Variants in FAM118A observed in about 807,000 individuals in gnomAD.
FAM118A encodes protein FAM118A.
In FAM118A, 25 loss-of-function variants were observed where a neutral mutation model predicts 38.2. The ratio of observed to expected loss-of-function variants is 0.65; its 90% CI spans 0.48 to 0.91. The LOEUF is 0.91. FAM118A is among the 40% of genes least tolerant of loss of function. The pLI is 0.00. For synonymous variants in FAM118A, 178 were observed against 184.1 expected, an observed-to-expected ratio of 0.97 and a Z score of 0.27; for missense variants, 425 against 463.3, an observed-to-expected ratio of 0.92 and a Z score of 0.76.
chr22:45,335,374 CATT>C lies in FAM118A; in HGVS notation c.966_968del (p.Leu323del), dbSNP rs747913327. On this transcript the variant is annotated inframe_deletion, in exon 7 of 9. Transcript: ENST00000441876. ...GATGCTGATCGCGTGGACAGCACCA[CATT>C]ATTGGGTAAAGCAGATCTTTCTTCT... The C allele has an allele frequency of 2.5e-6, 4 of 1,614,142 alleles. No individual in the cohort carries two copies. Among genetic ancestry groups the C allele is most frequent in the Non-Finnish European group, 3.4e-6 (4 of 1,180,050 alleles).
At chr22:45,332,304 G>A (rs146201146) in intron 5 of FAM118A, 121 bp from the exon 6 acceptor site, 64 of 1,003,610 alleles carry the variant, frequency 6.4e-5, no homozygotes, top group African/African-American at 9.7e-5. Flanking sequence ...GCTCCTCAGC[G>A]TGGCCCTGGG....
In FAM118A at chr22:45,328,017, G is replaced by T. The variant is rs62001863; in HGVS notation, c.476G>T (p.Arg159Leu). 1 of 1,531,956 alleles carries T rather than the reference G, an allele frequency of 6.5e-7. No individual in the cohort carries two copies. The highest frequency in any genetic ancestry group is 1.9e-5 in the Admixed American group (1 of 53,372). 94.9% of individuals were successfully genotyped at this position (1,531,956 alleles called of 1,614,324 possible). ...YDNLLEAFGR[R>L]QNKPMESLDL... ...AACCTGCTGGAGGCCTTTGGCCGGC[G>T]GCAGAACAAGCCCATGGAGTCCCTG... Residue 159 changes from arginine to leucine, a missense_variant, in exon 4 of 9, where the codon CGG becomes CTG. Coordinates refer to ENST00000441876, the MANE Select transcript of FAM118A (RefSeq NM_017911.4).
chr22:45,334,992 C>T (rs2085985256), intron 6 of FAM118A: 1 of 248,770 alleles, frequency 4.0e-6, no homozygotes, highest in South Asian at 1.1e-4. Context: ...TGCCAGAAGA[C>T]TGCAAGGTCA....
intron 1 of FAM118A, among the ~76,000 whole-genome samples, chr22:45,314,010 T>C (rs1343558106): frequency 1.3e-5 from 2 of 152,184 alleles, no homozygotes; most frequent in Non-Finnish European, 2.9e-5. Flanking sequence ...TTCTTTCCTT[T>C]GTAGAAAAAG....
intron 1 of FAM118A, among the ~76,000 whole-genome samples, 151 bp downstream of exon 1, chr22:45,310,334 G>A (rs763208887): frequency 3.4e-5 from 5 of 146,664 alleles, no homozygotes; most frequent in African/African-American, 5.1e-5. Flanking sequence ...CTCAGGATCC[G>A]CCCTGCCCCT....
At chr22:45,311,174 A>T (rs1178195416) in intron 1 of FAM118A, among the ~76,000 whole-genome samples, 1 of 152,086 alleles carries the variant, frequency 6.6e-6, no homozygotes, top group Admixed American at 6.5e-5. Context: ...CTGATTCTTG[A>T]AGGTTGAGCT....
intron 1 of FAM118A, among the ~76,000 whole-genome samples, chr22:45,316,418 T>G (rs895679654): frequency 5.9e-5 from 9 of 152,170 alleles, no homozygotes; most frequent in African/African-American, 1.9e-4. Flanking sequence ...AAAAAGGAAG[T>G]TTGTGGGAAT....
At chr22:45,318,981 G>T (rs1266248020) in intron 1 of FAM118A, 1 of 152,216 alleles carries the variant, frequency 6.6e-6, no homozygotes, top group Non-Finnish European at 1.5e-5. Context: ...GGAATAGTGT[G>T]ATACCTCGTT....
At chr22:45,327,816 G>A (rs535615812) in intron 3 of FAM118A, 26 bp from the exon 4 acceptor site, 6 of 1,612,162 alleles carry the variant, frequency 3.7e-6, no homozygotes, top group South Asian at 3.3e-5. Flanking sequence ...TGATGTTTTG[G>A]TAACTGTCGT....
chr22:45,328,545 T>C, intron 4 of FAM118A: 2 of 714,538 alleles, frequency 2.8e-6, no homozygotes, highest in Non-Finnish European at 5.2e-6. Context: ...GGTGGGAGGA[T>C]TGCTTGAGCC....
Position 45,330,698 on chromosome 22 carries a change from G to T in FAM118A, c.618G>T (p.Gly206=), listed in dbSNP as rs1569147362. 1.3e-6 allele frequency: 2 copies of T among 1,586,406 alleles called. No homozygotes were observed. The highest frequency in any genetic ancestry group is 2.7e-5 in the African/African-American group (2 of 73,506). Residue 206 remains glycine, a synonymous_variant, in exon 5 of 9, where the codon GGG becomes GGT. Coordinates refer to ENST00000441876, the MANE Select transcript of FAM118A (RefSeq NM_017911.4). ...GCGGGGTGGTGCTGGACCCATCGGG[G>T]TATAAAGACGTCACTCAAGACGCAG... ...DPCGVVLDPS[G]YKDVTQDAEV... is the part of the protein sequence containing the mutation.
chr22:45,337,368 G>A (rs1321543684), intron 8 of FAM118A, among the ~76,000 whole-genome samples: 2 of 152,218 alleles, frequency 1.3e-5, no homozygotes, highest in Non-Finnish European at 2.9e-5. Context: ...GTGCCACGCC[G>A]CCTGTGCCAG....
intron 4 of FAM118A, chr22:45,329,892 G>A (rs1952478539): frequency 6.6e-6 from 1 of 152,294 alleles, no homozygotes; most frequent in Non-Finnish European, 1.5e-5. Flanking sequence ...GGGCTCCGGG[G>A]TGAAGATGAC....
chr22:45,321,880 C>T (rs1469669804), intron 1 of FAM118A: 3 of 177,032 alleles, frequency 1.7e-5, no homozygotes, highest in East Asian at 1.6e-4. Context: ...GAGCTGGTGC[C>T]GATGCTGAGG....
intron 1 of FAM118A, among the ~76,000 whole-genome samples, chr22:45,315,805 G>A (rs934803582): frequency 6.6e-6 from 1 of 152,166 alleles, no homozygotes; most frequent in Non-Finnish European, 1.5e-5. Context: ...CAGATCCTGT[G>A]TTTTCTGCAC....
Position 45,322,426 on chromosome 22 carries a change from G to C in FAM118A, c.47G>C (p.Arg16Thr). 1 of 1,609,592 alleles carries C rather than the reference G, an allele frequency of 6.2e-7. No homozygotes were observed. Among genetic ancestry groups the C allele is most frequent in the Non-Finnish European group, 8.5e-7 (1 of 1,178,644 alleles). Residue 16 changes from arginine (R) to threonine (T), a missense_variant and splice_region_variant, in exon 2 of 9, where the codon AGA (arginine) becomes ACA (threonine). Coordinates refer to ENST00000441876, the MANE Select transcript of FAM118A (RefSeq NM_017911.4). ...ACAAATAGAAGTGAACAAAAATCCA[G>C]GTAATTAAAGGCAACTATACCTTCA... The part of the protein sequence containing the change: ...KTTNRSEQKS[R>T]KFLKSLIRKQ...
At chr22:45,326,332 C>T (rs1168188976) in intron 3 of FAM118A, among the ~76,000 whole-genome samples, 6 of 152,162 alleles carry the variant, frequency 3.9e-5, no homozygotes, top group African/African-American at 1.2e-4. Flanking sequence ...ACCGGTGAAA[C>T]ACTGAGGCTG....
chr22:45,340,038 C>T (rs954237840), intron 8 of FAM118A, among the ~76,000 whole-genome samples: 2 of 152,218 alleles, frequency 1.3e-5, no homozygotes, highest in African/African-American at 2.4e-5. Flanking sequence ...CCAGAGGAAT[C>T]GACAGGCTTA....
At position 45,340,725 on chromosome 22, in the gene FAM118A, G is replaced by C. The variant is rs1365208863; in HGVS notation, c.*320G>C. 26 of 432,134 alleles carry C rather than the reference G, an allele frequency of 6.0e-5. No homozygotes were observed. Among genetic ancestry groups the C allele is most frequent in the Non-Finnish European group, 2.9e-5 (7 of 242,778 alleles). The allele number at this position is 432,134 out of a possible 1,614,324, so 26.8% of individuals were successfully genotyped here. A position where few individuals can be genotyped will look rare whatever the true frequency, so the allele number is the denominator to read the frequency against. ...CATCTGACAGGCTCTCTTTTGTCAA[G>C]GTGGTATTTTTCGTAATAAAAGGGG... is the stretch of plus-strand genomic sequence containing the variant. On this transcript the variant is annotated 3_prime_UTR_variant, in exon 9 of 9. Coordinates refer to ENST00000441876, the MANE Select transcript of FAM118A (RefSeq NM_017911.4).
Sources: allele counts gnomAD v4.1 joint callset (sites outside exome capture counted in the v4.1 genomes callset), GRCh38; gene constraint gnomAD v4.1.1; transcripts MANE v1.5; gene names NCBI Gene and HGNC (gene_info 2026-07-23, HGNC 2026-07-21).